ROBO1: variants seen among roughly 807,000 people sequenced by gnomAD.
ROBO1 encodes roundabout guidance receptor 1, also known as roundabout homolog 1.
In ROBO1, 149 loss-of-function variants were observed where a neutral mutation model predicts 195.9. The observed-to-expected ratio is 0.76, with a 90% confidence interval of 0.67 to 0.87. ROBO1 has a LOEUF of 0.87. Ranked by LOEUF, ROBO1 falls within the 40% of genes least tolerant of loss-of-function variation. The pLI, the probability that ROBO1 is intolerant of heterozygous loss-of-function variation, is 0.00. For synonymous variants in ROBO1, 816 were observed against 733.2 expected (o/e 1.11, Z -1.82); for missense variants, 1,933 against 2,068.3 (o/e 0.93, Z 1.27).
chr3:79,365,235 T>C (rs2035925240), intron 2 of ROBO1, among the ~76,000 whole-genome samples: 1 of 152,146 alleles, frequency 6.6e-6, no homozygotes, highest in South Asian at 2.1e-4. Flanking sequence ...ATTTTTTATA[T>C]CTCTGTGCCA....
intron 5 of ROBO1, among the ~76,000 whole-genome samples, chr3:78,740,314 T>C (rs2082494796): frequency 6.7e-6 from 1 of 150,158 alleles, no homozygotes; most frequent in African/African-American, 2.5e-5. Flanking sequence ...GTTCTTAATA[T>C]GCAATAGCTA....
chr3:78,623,280 C>T (rs1234364828), intron 26 of ROBO1, among the ~76,000 whole-genome samples: 1 of 152,058 alleles, frequency 6.6e-6, no homozygotes, highest in Non-Finnish European at 1.5e-5. Context: ...GGAGGATCTG[C>T]CATTTAATCT....
At position 79,353,927 on chromosome 3, in the gene ROBO1, C is replaced by G. The variant is rs143985742; in HGVS notation, c.89-228388G>C. ...AGGCATAGTGGTGGGCACCTGTAAT[C>G]CCAGCTACTCAGGAGGCTGAGGCAG... On this transcript the variant is annotated intron_variant, in intron 2 of 30. Coordinates refer to ENST00000464233, the MANE Select transcript of ROBO1 (RefSeq NM_002941.4). Among the ~76,000 whole-genome samples, 103 of 152,130 alleles carry G rather than the reference C, an allele frequency of 6.8e-4. No homozygotes were observed. The East Asian group carries it at 0.018, about 27-fold the overall frequency.
intron 4 of ROBO1, among the ~76,000 whole-genome samples, chr3:78,828,940 T>C (rs2031893242): frequency 6.6e-6 from 1 of 152,220 alleles, no homozygotes; most frequent in African/African-American, 2.4e-5. Flanking sequence ...AACTTTCATA[T>C]ATTCTCATAA....
intron 2 of ROBO1, among the ~76,000 whole-genome samples, chr3:79,175,144 G>T (rs2081243310): frequency 6.6e-6 from 1 of 151,642 alleles, no homozygotes. Context: ...TTTATTTTAG[G>T]GTTCTCTCCT....
chr3:79,443,186 G>A (rs149544939), intron 2 of ROBO1, among the ~76,000 whole-genome samples: 16 of 152,254 alleles, frequency 1.1e-4, no homozygotes, highest in Non-Finnish European at 2.1e-4. Flanking sequence ...GACTAGAGGA[G>A]AAAAATTATG....
intron 2 of ROBO1, among the ~76,000 whole-genome samples, chr3:79,460,192 G>T (rs1937584001): frequency 6.6e-6 from 1 of 152,026 alleles, no homozygotes; most frequent in Non-Finnish European, 1.5e-5. Context: ...GAGGAAAGTT[G>T]GTAATTTTGA....
chr3:79,210,430 T>TCAGTAAATGGTGC, intron 2 of ROBO1, among the ~76,000 whole-genome samples: 1 of 152,276 alleles, frequency 6.6e-6, no homozygotes, highest in Non-Finnish European at 1.5e-5. Context: ...GACACCCTAT[T>TCAGTAAATGGTGC]CAGTAAATGG....
At chr3:78,828,690 T>G (rs1436322947) in intron 4 of ROBO1, among the ~76,000 whole-genome samples, 1 of 152,224 alleles carries the variant, frequency 6.6e-6, no homozygotes, top group East Asian at 1.9e-4. Flanking sequence ...AGAATATTTC[T>G]GATCTCTTCT....
chr3:78,918,759 ATCCATATG>A (rs536011956), intron 4 of ROBO1, among the ~76,000 whole-genome samples: 102 of 152,264 alleles, frequency 6.7e-4, no homozygotes, highest in Admixed American at 1.2e-3. Flanking sequence ...AAGTACAAAT[ATCCATATG>A]TCCCACATAC....
intron 2 of ROBO1, among the ~76,000 whole-genome samples, chr3:79,435,089 G>A (rs2038837875): frequency 6.6e-6 from 1 of 152,128 alleles, no homozygotes; most frequent in Admixed American, 6.5e-5. Flanking sequence ...GGGAGGGATA[G>A]CATTAGGAAA....
chr3:79,510,336 A>T (rs1940637460), intron 2 of ROBO1, among the ~76,000 whole-genome samples: 1 of 152,176 alleles, frequency 6.6e-6, no homozygotes, highest in South Asian at 2.1e-4. Context: ...CTCCATGAAG[A>T]GGTGCCTTCT....
At chr3:79,747,750 T>A (rs1703937902) in intron 1 of ROBO1, among the ~76,000 whole-genome samples, 1 of 152,030 alleles carries the variant, frequency 6.6e-6, no homozygotes, top group African/African-American at 2.4e-5. Flanking sequence ...TTAAGAAATA[T>A]ACTGGACAAA....
chr3:79,523,745 A>G (rs1941313375), intron 2 of ROBO1, among the ~76,000 whole-genome samples: 1 of 152,124 alleles, frequency 6.6e-6, no homozygotes, highest in Admixed American at 6.5e-5. Context: ...AAGTGCTGGG[A>G]TTACAGGCAT....
At chr3:78,911,685 A>G (rs1283562909) in intron 4 of ROBO1, among the ~76,000 whole-genome samples, 1 of 152,036 alleles carries the variant, frequency 6.6e-6, no homozygotes, top group Non-Finnish European at 1.5e-5. Context: ...ATCAATTGAT[A>G]TGGTCATTGC....
chr3:79,682,987 AGG>A (rs1560096969), intron 1 of ROBO1, among the ~76,000 whole-genome samples: 109 of 151,882 alleles, frequency 7.2e-4, no homozygotes, highest in African/African-American at 2.5e-3. Flanking sequence ...AAAGACATAT[AGG>A]ATATAGCAAT....
intron 15 of ROBO1, among the ~76,000 whole-genome samples, chr3:78,661,584 C>A (rs1345886507): frequency 2.0e-5 from 3 of 152,160 alleles, no homozygotes; most frequent in Non-Finnish European, 4.4e-5. Flanking sequence ...GGCCTGATGG[C>A]AGCTCTGACA....
At chr3:78,991,456 T>G (rs571619406) in intron 3 of ROBO1, among the ~76,000 whole-genome samples, 8 of 152,292 alleles carry the variant, frequency 5.3e-5, no homozygotes, top group African/African-American at 1.9e-4. Context: ...AGGACAAATC[T>G]TTCACTTGTC....
chr3:79,533,087 T>G (rs780649847), intron 2 of ROBO1: 1 of 442,410 alleles, frequency 2.3e-6, no homozygotes. Flanking sequence ...GAATTTTTCT[T>G]GGTTCTTTAG....
Sources: gnomAD v4.1 joint callset for allele counts (sites outside exome capture counted in the v4.1 genomes callset) on GRCh38, gnomAD v4.1.1 for gene constraint, MANE v1.5 for transcripts, NCBI Gene and HGNC (gene_info 2026-07-23, HGNC 2026-07-21) for gene names.